FGL1: variants seen among roughly 807,000 people sequenced by gnomAD.
The protein encoded by FGL1 is fibrinogen like 1.
In FGL1, 59 loss-of-function variants were observed where a neutral mutation model predicts 43.7. That is an observed-to-expected ratio of 1.35 (90% CI 1.10 to 1.68). The LOEUF (loss-of-function observed/expected upper bound fraction) is 1.68. Among genes scored for constraint, FGL1 ranks in the 40% most tolerant of loss-of-function variants. The pLI is 0.00. For missense variants in FGL1, 596 were observed against 373.0 expected, an observed-to-expected ratio of 1.60 and a Z score of -4.92; for synonymous variants, 192 against 126.5, an observed-to-expected ratio of 1.52 and a Z score of -3.48.
chr8:17,891,698 A>G (rs570057776), intron 1 of FGL1: 225 of 985,230 alleles, frequency 2.3e-4, no homozygotes, highest in Middle Eastern at 5.2e-4. Context: ...AGAATTGTAG[A>G]ACTTCCCAGG....
intron 3 of FGL1, among the ~76,000 whole-genome samples, chr8:17,876,265 A>G (rs1219126760): frequency 6.6e-6 from 1 of 152,198 alleles, no homozygotes; most frequent in Non-Finnish European, 1.5e-5. Flanking sequence ...CATTGTTTTG[A>G]TACTAGATTG....
chr8:17,868,458 T>G (rs2053303894), intron 7 of FGL1, 90 bp downstream of exon 7: 1 of 955,066 alleles, frequency 1.0e-6, no homozygotes. Flanking sequence ...AAATAAAGAC[T>G]AACATTACCA....
rs770295320 is a variant in FGL1 at position 17,890,356 on chromosome 8, C to A, written c.-17-4785G>T. Among the ~76,000 whole-genome samples the A allele has an allele frequency of 2.0e-5, 3 of 152,194 alleles. No homozygotes were observed. The East Asian group carries it at 5.8e-4, about 29-fold the overall frequency. On this transcript the variant is annotated intron_variant, in intron 1 of 7. Coordinates refer to ENST00000427924, the MANE Select transcript of FGL1 (RefSeq NM_004467.4). ...AAAGCTTTACATAATCTGTGAGCATCCACCTCCTCAACACATCTCTTTTCC... is the reference window on the plus strand; with the variant it reads ...AAAGCTTTACATAATCTGTGAGCATACACCTCCTCAACACATCTCTTTTCC...
At chr8:17,866,437 C>T (rs2053270712) in intron 7 of FGL1, among the ~76,000 whole-genome samples, 1 of 152,152 alleles carries the variant, frequency 6.6e-6, no homozygotes, top group African/African-American at 2.4e-5. Context: ...AAAAAAGCAA[C>T]AGTAAGAAGG....
At chr8:17,889,129 T>C (rs769098166) in intron 1 of FGL1, among the ~76,000 whole-genome samples, 1 of 152,174 alleles carries the variant, frequency 6.6e-6, no homozygotes, top group Non-Finnish European at 1.5e-5. Flanking sequence ...GCTGCAATAT[T>C]ACTTACATTA....
At chr8:17,888,910 C>G (rs546946082) in intron 1 of FGL1, among the ~76,000 whole-genome samples, 1 of 152,182 alleles carries the variant, frequency 6.6e-6, no homozygotes, top group Non-Finnish European at 1.5e-5. Context: ...CCTCTAATCC[C>G]TGTCACTAGA....
chr8:17,895,278 A>G (rs747989526), intron 1 of FGL1, 169 bp downstream of exon 1: 13 of 1,025,366 alleles, frequency 1.3e-5, no homozygotes, highest in Non-Finnish European at 1.4e-5. Flanking sequence ...CAAAAGATAC[A>G]TAATTCTAAA....
At position 17,895,442 on chromosome 8, in the gene FGL1, CT is replaced by C. The variant is rs2053761644; in HGVS notation, c.-18+4del. On this transcript the variant is annotated splice_donor_region_variant and intron_variant, in intron 1 of 7. Transcript: ENST00000427924. ...TCAAAAATGCAGAGACATTAAATAA[CT>C]TGCCTAAAGTCAGAAGTGAGTCAGA... 1.6e-6 allele frequency: 2 copies of C among 1,283,222 alleles called. No individual in the cohort carries two copies. 79.5% of individuals were successfully genotyped at this position (1,283,222 alleles called of 1,614,324 possible). A position where few individuals can be genotyped will look rare whatever the true frequency, so the allele number is the denominator to read the frequency against.
chr8:17,868,660 C>A lies in FGL1; in HGVS notation c.667G>T (p.Val223Leu). The change falls in exon 7 of 8, where the codon GTG becomes TTG. Residue 223 changes from valine (V) to leucine (L), a missense_variant. Physicochemically the swap from Val to Leu is conservative, Grantham distance 32. Transcript: ENST00000427924. ...DSLAGNFHPE[V>L]QWWASHQRMK... The stretch of plus-strand genomic sequence containing the variant: ...CTTTGGTGACTAGCCCACCACTGCA[C>A]CTCAGGATGAAAATTCCCCGCAAGG... The A allele has an allele frequency of 6.2e-7, 1 of 1,614,108 alleles. No individual in the cohort carries two copies. Among genetic ancestry groups the A allele is most frequent in the Non-Finnish European group, 8.5e-7 (1 of 1,180,014 alleles).
intron 1 of FGL1, chr8:17,885,788 A>G (rs1479903698): frequency 4.0e-6 from 2 of 498,864 alleles, no homozygotes; most frequent in Non-Finnish European, 7.1e-6. Flanking sequence ...ACAAAAACAG[A>G]GGAAGGACTC....
At chr8:17,889,550 A>G (rs1478862075) in intron 1 of FGL1, among the ~76,000 whole-genome samples, 1 of 152,174 alleles carries the variant, frequency 6.6e-6, no homozygotes, top group Non-Finnish European at 1.5e-5. Flanking sequence ...ACTCCACCTC[A>G]AACAACAACA....
chr8:17,879,399 G>A (rs1344854992), intron 3 of FGL1, among the ~76,000 whole-genome samples: 3 of 152,102 alleles, frequency 2.0e-5, no homozygotes, highest in African/African-American at 7.2e-5. Context: ...TGATTTGGAT[G>A]TGTGTCCCCA....
At chr8:17,871,869 G>A (rs1348666404) in intron 5 of FGL1, among the ~76,000 whole-genome samples, 12 of 152,190 alleles carry the variant, frequency 7.9e-5, no homozygotes, top group Admixed American at 5.9e-4. Flanking sequence ...TGTTGGCAAA[G>A]TTCCTCTGGG....
At chr8:17,871,181 G>A (rs2053354269) in intron 5 of FGL1, among the ~76,000 whole-genome samples, 1 of 152,098 alleles carries the variant, frequency 6.6e-6, no homozygotes, top group African/African-American at 2.4e-5. Context: ...GGCAGGCTAA[G>A]TCAACTGTCT....
At chr8:17,886,613 C>G (rs1180447132) in intron 1 of FGL1, among the ~76,000 whole-genome samples, 2 of 152,040 alleles carry the variant, frequency 1.3e-5, no homozygotes, top group Admixed American at 6.6e-5. Context: ...CAAAAATTAG[C>G]CAGGCGTGGT....
intron 1 of FGL1, among the ~76,000 whole-genome samples, chr8:17,889,138 T>G (rs991435622): frequency 6.6e-6 from 1 of 152,110 alleles, no homozygotes; most frequent in African/African-American, 2.4e-5. Flanking sequence ...TTACTTACAT[T>G]AAAGGGCCCA....
intron 7 of FGL1, among the ~76,000 whole-genome samples, chr8:17,865,807 T>C (rs923837922): frequency 1.3e-5 from 2 of 152,192 alleles, no homozygotes; most frequent in African/African-American, 4.8e-5. Flanking sequence ...TGAACATCTA[T>C]GGAAAAACCC....
At chr8:17,877,058 C>A (rs2299580) in intron 3 of FGL1, among the ~76,000 whole-genome samples, 77,937 of 151,916 alleles carry the variant, frequency 0.51, 22,870 homozygotes, top group Non-Finnish European at 0.68. Context: ...AGTTAAGAAG[C>A]CTGCTTTGGG....
chr8:17,883,984 T>G (rs974890504), intron 2 of FGL1, among the ~76,000 whole-genome samples: 7 of 149,896 alleles, frequency 4.7e-5, no homozygotes, highest in Non-Finnish European at 1.0e-4. Flanking sequence ...TTCCCATCCC[T>G]AGGTCCAAGT....
Sources: allele counts gnomAD v4.1 joint callset (sites outside exome capture counted in the v4.1 genomes callset), GRCh38; gene constraint gnomAD v4.1.1; transcripts MANE v1.5; gene names NCBI Gene and HGNC (gene_info 2026-07-23, HGNC 2026-07-21).